The following MYO1B variants were observed in gnomAD, a reference collection of about 807,000 sequenced individuals.
The protein encoded by MYO1B is myosin IB, also known as unconventional myosin-Ib.
In MYO1B, 72 loss-of-function variants were observed where a neutral mutation model predicts 159.7. The observed-to-expected ratio is 0.45, with a 90% CI of 0.37 to 0.55. MYO1B has a LOEUF of 0.55. Among genes scored for constraint, MYO1B ranks in the 20% least tolerant of loss-of-function variants. The probability of loss-of-function intolerance (pLI) is 0.00; values close to 1 mark genes in which losing one functional copy is unlikely to be tolerated. For missense variants in MYO1B, 1,062 were observed against 1,364.8 expected (o/e 0.78, Z 3.50); for synonymous variants, 468 against 473.8 (o/e 0.99, Z 0.16).
intron 20 of MYO1B, 59 bp from the exon 21 acceptor site, chr2:191,396,370 C>A (rs779186261): frequency 7.8e-5 from 121 of 1,552,678 alleles, no homozygotes; most frequent in Non-Finnish European, 1.0e-4. Context: ...TTTCTCAATC[C>A]TTGTATGCGT....
intron 21 of MYO1B, among the ~76,000 whole-genome samples, chr2:191,398,296 G>C (rs1233010609): frequency 1.0e-4 from 11 of 107,972 alleles, no homozygotes; most frequent in Non-Finnish European, 2.1e-5. Flanking sequence ...GCGGGGGGCT[G>C]ACCCCCCACC....
At chr2:191,387,028 G>T (rs1180773028) in intron 16 of MYO1B, among the ~76,000 whole-genome samples, 196 bp from the exon 17 acceptor site, 2 of 152,140 alleles carry the variant, frequency 1.3e-5, no homozygotes, top group African/African-American at 2.4e-5. Context: ...AATTTATTTT[G>T]ATCTTGTCTG....
intron 9 of MYO1B, among the ~76,000 whole-genome samples, chr2:191,362,849 T>G (rs1693761055): frequency 6.6e-6 from 1 of 152,244 alleles, no homozygotes; most frequent in Non-Finnish European, 1.5e-5. Flanking sequence ...TCTGTCTTAA[T>G]GTGTGATACA....
At chr2:191,402,572 TG>T in intron 23 of MYO1B, 59 bp from the exon 24 acceptor site, 1 of 1,410,214 alleles carries the variant, frequency 7.1e-7, no homozygotes, top group Non-Finnish European at 9.9e-7. Flanking sequence ...TATCTTTTTC[TG>T]GTCATTTGTG....
rs1695373338 is a variant in MYO1B, at chr2:191,385,892, T to C, written c.1362T>C (p.Asn454=). 6.2e-7 allele frequency: 1 copy of C among 1,613,924 alleles called. No homozygotes were observed. The highest frequency in any genetic ancestry group is 8.5e-7 in the Non-Finnish European group (1 of 1,179,890). The change falls in exon 16 of 31, where the codon AAT becomes AAC. Residue 454 remains asparagine (N), a synonymous_variant. Coordinates refer to ENST00000392318, the MANE Select transcript of MYO1B (RefSeq NM_001130158.3). ...IICDLIENNT[N]GILAMLDEEC... The stretch of plus-strand genomic sequence containing the variant: ...TATTTCCGTTTTCCCAGAACACAAA[T>C]GGAATCCTGGCCATGCTGGATGAAG...
At chr2:191,279,094 CTA>C (rs1222642284) in intron 2 of MYO1B, among the ~76,000 whole-genome samples, 2 of 152,270 alleles carry the variant, frequency 1.3e-5, no homozygotes, top group East Asian at 1.9e-4. Context: ...GATTTCAGCT[CTA>C]TGTAATTTTA....
chr2:191,316,670 G>A (rs528244229), intron 3 of MYO1B, among the ~76,000 whole-genome samples: 1 of 152,282 alleles, frequency 6.6e-6, no homozygotes, highest in East Asian at 1.9e-4. Context: ...GGAGACATGT[G>A]CCTTCATTCC....
At position 191,250,740 on chromosome 2, in the gene MYO1B, G is replaced by A. The variant is rs111770262; in HGVS notation, c.-10+5114G>A. Among the ~76,000 whole-genome samples the A allele has an allele frequency of 5.4e-3, 818 of 152,256 alleles. 9 individuals are homozygous for A. The highest frequency in any genetic ancestry group is 0.019 in the African/African-American group (771 of 41,532). On this transcript the variant is annotated intron_variant, in intron 1 of 30. Coordinates refer to ENST00000392318, the MANE Select transcript of MYO1B (RefSeq NM_001130158.3). ...TTAGTAGGAGGTATTTGTAGATGAG[G>A]GAATTGAGTCACTAGCCCAGAGGTC...
intron 3 of MYO1B, among the ~76,000 whole-genome samples, chr2:191,302,230 T>C (rs960286331): frequency 1.3e-5 from 2 of 152,222 alleles, no homozygotes; most frequent in African/African-American, 4.8e-5. Context: ...CTCTTCTTGC[T>C]ATGGTTGATT....
At chr2:191,313,466 G>A (rs1483288985) in intron 3 of MYO1B, among the ~76,000 whole-genome samples, 1 of 151,004 alleles carries the variant, frequency 6.6e-6, no homozygotes, top group African/African-American at 2.4e-5. Flanking sequence ...CTCACTGCAA[G>A]CTCCGCCTCC....
intron 2 of MYO1B, among the ~76,000 whole-genome samples, chr2:191,288,731 A>G (rs1002929051): frequency 1.3e-5 from 2 of 152,240 alleles, no homozygotes; most frequent in Non-Finnish European, 2.9e-5. Flanking sequence ...TCTATCAGTC[A>G]GTGCGATTGT....
At chr2:191,330,313 A>G (rs1322513835) in intron 4 of MYO1B, among the ~76,000 whole-genome samples, 2 of 152,142 alleles carry the variant, frequency 1.3e-5, no homozygotes, top group Admixed American at 6.6e-5. Context: ...TTCTCCCAAG[A>G]CATTAAACCT....
At chr2:191,402,741 C>G (rs1696690672) in intron 24 of MYO1B, 23 bp downstream of exon 24, 24 of 1,592,438 alleles carry the variant, frequency 1.5e-5, no homozygotes, top group Non-Finnish European at 2.1e-5. Context: ...CCACTTGTTT[C>G]TGTCCAGGGT....
chr2:191,390,549 G>A (rs909643483), intron 18 of MYO1B, 57 bp downstream of exon 18: 7 of 1,530,594 alleles, frequency 4.6e-6, no homozygotes, highest in African/African-American at 1.4e-5. Context: ...CAAATAATAC[G>A]GTGTTTTTTC....
At chr2:191,325,741 C>G (rs533200723) in intron 3 of MYO1B, among the ~76,000 whole-genome samples, 3 of 152,172 alleles carry the variant, frequency 2.0e-5, no homozygotes, top group South Asian at 2.1e-4. Flanking sequence ...GAAAGCAGAA[C>G]CACTCTGACG....
intron 24 of MYO1B, among the ~76,000 whole-genome samples, chr2:191,404,341 A>G (rs913290697): frequency 4.6e-5 from 7 of 152,210 alleles, no homozygotes; most frequent in African/African-American, 1.7e-4. Context: ...CAAAATGCAT[A>G]TAGCAATGAG....
intron 15 of MYO1B, 80 bp downstream of exon 15, chr2:191,383,422 T>C (rs537029136): frequency 6.5e-6 from 3 of 462,664 alleles, no homozygotes; most frequent in African/African-American, 4.2e-5. Flanking sequence ...TGCCTCAATG[T>C]TAAGCATTAG....
chr2:191,248,846 C>T (rs1026241339), intron 1 of MYO1B, among the ~76,000 whole-genome samples: 2 of 151,954 alleles, frequency 1.3e-5, no homozygotes, highest in Non-Finnish European at 2.9e-5. Flanking sequence ...GTTGGTTAGC[C>T]CCTGGCAGAT....
chr2:191,410,088 C>G (rs1329226076), intron 26 of MYO1B, among the ~76,000 whole-genome samples: 1 of 152,148 alleles, frequency 6.6e-6, no homozygotes, highest in East Asian at 1.9e-4. Context: ...TCTCTAACAG[C>G]AAATTTGGCG....
Sources: allele counts gnomAD v4.1 joint callset (sites outside exome capture counted in the v4.1 genomes callset), GRCh38; gene constraint gnomAD v4.1.1; transcripts MANE v1.5; gene names NCBI Gene and HGNC (gene_info 2026-07-23, HGNC 2026-07-21).